ATM: variants seen among roughly 807,000 people sequenced by gnomAD.
The protein encoded by ATM is ATM serine/threonine kinase, also known as serine-protein kinase ATM.
Under a neutral mutation model 387.0 loss-of-function variants are expected in ATM, and 308 were observed. That is an observed-to-expected ratio of 0.80 (90% CI 0.73 to 0.87). The LOEUF (loss-of-function observed/expected upper bound fraction) is 0.87, where lower values mean the gene tolerates loss of function less well. ATM is among the 40% of genes least tolerant of loss of function. The pLI, the probability that ATM is intolerant of heterozygous loss-of-function variation, is 0.00. For synonymous variants in ATM, 1,156 were observed against 1,187.3 expected (o/e 0.97, Z 0.54); for missense variants, 3,312 against 3,560.9 (o/e 0.93, Z 1.78).
chr11:108,332,551 A>C (rs2086376640), intron 52 of ATM, among the ~76,000 whole-genome samples: 1 of 152,198 alleles, frequency 6.6e-6, no homozygotes, highest in Non-Finnish European at 1.5e-5. Context: ...AAAGTGAAAC[A>C]ATAGATTTTG....
chr11:108,263,753 AAGAG>A (rs762265976), intron 16 of ATM, among the ~76,000 whole-genome samples: 2,184 of 147,412 alleles, frequency 0.015, 23 homozygotes, highest in Non-Finnish European at 0.024. Context: ...TAAAGAAAAA[AAGAG>A]AGAAGAATCA....
chr11:108,274,057 A>C (rs1195648254), intron 22 of ATM, among the ~76,000 whole-genome samples: 1 of 152,060 alleles, frequency 6.6e-6, no homozygotes, highest in Non-Finnish European at 1.5e-5. Flanking sequence ...AGAACTTGTT[A>C]TTGGTCTATT....
At chr11:108,276,522 T>A (rs2081957795) in intron 22 of ATM, among the ~76,000 whole-genome samples, 1 of 152,232 alleles carries the variant, frequency 6.6e-6, no homozygotes, top group Non-Finnish European at 1.5e-5. Context: ...TCTTTGATGT[T>A]GGTGACTTTT....
chr11:108,354,778 C>T lies in ATM; in HGVS notation c.8787-33C>T, dbSNP rs3741058. On this transcript the variant is annotated intron_variant, in intron 60 of 62. Transcript: ENST00000675843. Reference sequence around the variant, plus strand: ...ATACGTTGACAACATTGGTGTGTAACAAAATCCGTATTTATAATGTGTTTG... The same window carrying T: ...ATACGTTGACAACATTGGTGTGTAATAAAATCCGTATTTATAATGTGTTTG... 7.4e-5 allele frequency: 117 copies of T among 1,585,956 alleles called. No homozygotes were observed. In the East Asian group the frequency reaches 2.5e-3, roughly 34 times the overall value.
rs1555072070 is a variant in ATM at position 108,252,018 on chromosome 11, C to G, written c.1789C>G (p.Pro597Ala). 1 of 1,612,170 alleles carries G rather than the reference C, an allele frequency of 6.2e-7. No individual in the cohort carries two copies. The highest frequency in any genetic ancestry group is 1.1e-5 in the South Asian group (1 of 90,944). Residue 597 changes from proline (P) to alanine (A), a missense_variant, in exon 11 of 63, where the codon CCA becomes GCA. Pro to Ala is a conservative substitution (Grantham distance 27). This residue lies in a region of ATM where 1,791 missense variants were observed against 1,804.5 expected (regional missense o/e 0.99). Coordinates refer to ENST00000675843, the MANE Select transcript of ATM (RefSeq NM_000051.4). Reference protein sequence around the residue: ...GDLENSTEVPPILHSNFPHLV... With the variant: ...GDLENSTEVPAILHSNFPHLV... ...CTTAGAAAATAGCACAGAAGTGCCT[C>G]CAATTCTTCACAGGTAATTTAAGTT... is the stretch of plus-strand genomic sequence containing the variant.
At position 108,268,616 on chromosome 11, in the gene ATM, T is replaced by C; in HGVS notation, c.2838+7T>C. Reference sequence around the variant, plus strand: ...ATCCCTCCACCTGCATATGGTGAGTTACGTTAAATGAAGAAGCTCTTGGAT... The same window carrying C: ...ATCCCTCCACCTGCATATGGTGAGTCACGTTAAATGAAGAAGCTCTTGGAT... On this transcript the variant is annotated splice_region_variant and intron_variant, in intron 18 of 62. Coordinates refer to ENST00000675843, the MANE Select transcript of ATM (RefSeq NM_000051.4). 2 of 1,613,322 alleles carry C rather than the reference T, an allele frequency of 1.2e-6. No individual in the cohort carries two copies. Among genetic ancestry groups the C allele is most frequent in the Non-Finnish European group, 1.7e-6 (2 of 1,179,552 alleles).
chr11:108,321,546 G>C, intron 45 of ATM, 126 bp downstream of exon 45: 2 of 1,379,766 alleles, frequency 1.4e-6, no homozygotes, highest in Non-Finnish European at 1.0e-6. Flanking sequence ...ACTTTAGAAG[G>C]CTGAAGTGGG....
At chr11:108,363,200 C>G (rs1385046252) in intron 61 of ATM, among the ~76,000 whole-genome samples, 2 of 152,180 alleles carry the variant, frequency 1.3e-5, no homozygotes, top group African/African-American at 4.8e-5. Context: ...TCCCAGTCCT[C>G]TGGGACATCA....
chr11:108,229,683 G>T (rs886893769), intron 4 of ATM: 4 of 214,526 alleles, frequency 1.9e-5, no homozygotes, highest in African/African-American at 9.5e-5. Flanking sequence ...GGATTGAAGG[G>T]ATTTATTTAT....
At chr11:108,263,376 T>C (rs1391406214) in intron 16 of ATM, among the ~76,000 whole-genome samples, 1 of 142,998 alleles carries the variant, frequency 7.0e-6, no homozygotes, top group African/African-American at 2.6e-5. Context: ...AACCTGCTCC[T>C]GAATGACTAC....
rs900984301 is a variant in ATM, at chr11:108,292,605, T to C, written c.4437-14T>C. On this transcript the variant is annotated splice_polypyrimidine_tract_variant and intron_variant, in intron 29 of 62. Coordinates refer to ENST00000675843, the MANE Select transcript of ATM (RefSeq NM_000051.4). Reference sequence around the variant, plus strand: ...CTTACTGGTTGTTGTTGTTTTTTTTTCTCCCTATATTAGGCCTTCTTGTAT... The same window carrying C: ...CTTACTGGTTGTTGTTGTTTTTTTTCCTCCCTATATTAGGCCTTCTTGTAT... 27 of 1,613,180 alleles carry C rather than the reference T, an allele frequency of 1.7e-5. No homozygotes were observed. The African/African-American group carries it at 2.0e-4, about 12-fold the overall frequency.
rs758351633 is a variant in ATM, at chr11:108,329,160, T to C, written c.7229T>C (p.Phe2410Ser). Residue 2410 changes from phenylalanine to serine, a missense_variant, in exon 49 of 63, where the codon TTT becomes TCT. By Grantham distance (155) the Phe-to-Ser change is radical. Transcript: ENST00000675843. ...GAAAACTACATGAAATCATCGGAATTTGAAAACAAGCAAGCTCTCCTGAAA... is the reference window on the plus strand; with the variant it reads ...GAAAACTACATGAAATCATCGGAATCTGAAAACAAGCAAGCTCTCCTGAAA... ...RIENYMKSSEFENKQALLKRA... is the reference protein window; with the variant it reads ...RIENYMKSSESENKQALLKRA... 1.9e-6 allele frequency: 3 copies of C among 1,614,044 alleles called. No homozygotes were observed. Among genetic ancestry groups the C allele is most frequent in the Middle Eastern group, 1.6e-4 (1 of 6,062 alleles).
At chr11:108,347,232 A>G (rs1443485384) in intron 58 of ATM, 47 bp from the exon 59 acceptor site, 2 of 1,363,796 alleles carry the variant, frequency 1.5e-6, no homozygotes, top group East Asian at 2.3e-5. Flanking sequence ...TATATTAGAA[A>G]GAGATGGAAT....
intron 49 of ATM, 129 bp downstream of exon 49, chr11:108,329,367 T>C (rs2086020484): frequency 3.5e-6 from 3 of 846,110 alleles, no homozygotes; most frequent in African/African-American, 3.5e-5. Context: ...CTTAACTATA[T>C]ATAGATTATC....
intron 16 of ATM, among the ~76,000 whole-genome samples, chr11:108,266,458 G>C (rs183505817): frequency 7.1e-6 from 1 of 141,456 alleles, no homozygotes; most frequent in South Asian, 2.3e-4. Context: ...ACACAGGAAG[G>C]GGAATATCAC....
intron 43 of ATM, among the ~76,000 whole-genome samples, chr11:108,319,090 T>A (rs138663813): frequency 5.4e-4 from 82 of 151,716 alleles, no homozygotes; most frequent in African/African-American, 1.8e-3. Context: ...GGTGAGGGGA[T>A]CCCTTGAGCC....
chr11:108,260,277 T>C (rs1283252730), intron 16 of ATM, among the ~76,000 whole-genome samples: 1 of 152,128 alleles, frequency 6.6e-6, no homozygotes, highest in Non-Finnish European at 1.5e-5. Context: ...TCAAATGATC[T>C]GTCCACCTTG....
chr11:108,248,964 T>A lies in ATM; in HGVS notation c.1097T>A (p.Ile366Asn). 6.2e-7 allele frequency: 1 copy of A among 1,611,700 alleles called. No individual in the cohort carries two copies. The highest frequency in any genetic ancestry group is 8.5e-7 in the Non-Finnish European group (1 of 1,178,408). Residue 366 changes from isoleucine to asparagine, a missense_variant, in exon 9 of 63, where the codon ATT becomes AAT. This residue lies in a region of ATM where 1,791 missense variants were observed against 1,804.5 expected (regional missense o/e 0.99). Transcript: ENST00000675843. Reference protein sequence around the residue: ...VFNEDTRSLEISQSYTTTQRE... With the variant: ...VFNEDTRSLENSQSYTTTQRE... Reference sequence around the variant, plus strand: ...AATGAAGATACCAGATCCTTGGAGATTTCTCAATCTTACACTACTACACAA... The same window carrying A: ...AATGAAGATACCAGATCCTTGGAGAATTCTCAATCTTACACTACTACACAA...
At chr11:108,273,315 A>G (rs1435320759) in intron 22 of ATM, among the ~76,000 whole-genome samples, 1 of 146,674 alleles carries the variant, frequency 6.8e-6, no homozygotes, top group Admixed American at 6.7e-5. Flanking sequence ...TGGAATAAAC[A>G]TATATTAATT....
Sources: gnomAD v4.1 joint callset for allele counts (sites outside exome capture counted in the v4.1 genomes callset) on GRCh38, gnomAD v4.1.1 for gene constraint, gnomAD v4.1.1 regional missense constraint, MANE v1.5 for transcripts, NCBI Gene and HGNC (gene_info 2026-07-23, HGNC 2026-07-21) for gene names.